CAMTA1: variants seen among roughly 807,000 people sequenced by gnomAD.
CAMTA1 encodes the protein calmodulin binding transcription activator 1, also known as calmodulin-binding transcription activator 1.
A neutral mutation model predicts 170.9 loss-of-function variants in CAMTA1; 27 were observed. The observed-to-expected ratio is 0.16, with a 90% CI of 0.12 to 0.22. The LOEUF (loss-of-function observed/expected upper bound fraction) is 0.22. CAMTA1 is among the 10% of genes least tolerant of loss of function. The probability of loss-of-function intolerance (pLI) is 1.00; values close to 1 mark genes in which losing one functional copy is unlikely to be tolerated. For missense variants in CAMTA1, 1,619 were observed against 2,217.2 expected (o/e 0.73, Z 5.42); for synonymous variants, 833 against 891.5 (o/e 0.93, Z 1.17).
intron 5 of CAMTA1, among the ~76,000 whole-genome samples, chr1:7,321,253 C>T (rs183048789): frequency 2.6e-3 from 398 of 152,264 alleles, no homozygotes; most frequent in African/African-American, 9.2e-3. Context: ...TCAACAAGGC[C>T]GTTGGCTGCC....
At chr1:7,002,425 G>A (rs1698356382) in intron 3 of CAMTA1, among the ~76,000 whole-genome samples, 1 of 152,202 alleles carries the variant, frequency 6.6e-6, no homozygotes, top group Admixed American at 6.5e-5. Context: ...TTATTGCTGT[G>A]TAGCTGGTTT....
chr1:7,567,206 TG>T (rs2095054098), intron 6 of CAMTA1, among the ~76,000 whole-genome samples: 1 of 152,124 alleles, frequency 6.6e-6, no homozygotes, highest in African/African-American at 2.4e-5. Context: ...AAGGGGCCCA[TG>T]GTGGCAGCGG....
At chr1:7,452,139 A>G (rs1033171736) in intron 5 of CAMTA1, among the ~76,000 whole-genome samples, 1 of 152,170 alleles carries the variant, frequency 6.6e-6, no homozygotes, top group Non-Finnish European at 1.5e-5. Context: ...AAATTTCAGC[A>G]CCTCGAATGG....
At chr1:7,086,975 G>C (rs1207463618) in intron 3 of CAMTA1, among the ~76,000 whole-genome samples, 6 of 152,198 alleles carry the variant, frequency 3.9e-5, no homozygotes, top group African/African-American at 1.4e-4. Flanking sequence ...GTGTTTGAGG[G>C]GCTGCAAGTG....
chr1:6,949,125 G>A (rs535065561), intron 3 of CAMTA1, among the ~76,000 whole-genome samples: 45 of 152,340 alleles, frequency 3.0e-4, no homozygotes, highest in African/African-American at 1.0e-3. Flanking sequence ...TCCACTCTGA[G>A]ACTTTATCTT....
intron 4 of CAMTA1, among the ~76,000 whole-genome samples, chr1:7,214,746 C>T (rs920439923): frequency 1.3e-5 from 2 of 152,088 alleles, no homozygotes; most frequent in African/African-American, 2.4e-5. Flanking sequence ...GTTTAAGAAC[C>T]CTTTGCCTAG....
chr1:7,558,132 G>A (rs934898793), intron 6 of CAMTA1, among the ~76,000 whole-genome samples: 12 of 152,206 alleles, frequency 7.9e-5, no homozygotes, highest in African/African-American at 2.2e-4. Flanking sequence ...CAGGCCCCTC[G>A]CTCCGGCAGC....
In CAMTA1 at chr1:6,934,510, G is replaced by A. The variant is rs1342192469; in HGVS notation, c.234+109300G>A. ...TTCCTTTCCAGAACATTCCTTTGAGGAGGAGAGAAAAGGAACTTGGCCACT... is the reference window on the plus strand; with the variant it reads ...TTCCTTTCCAGAACATTCCTTTGAGAAGGAGAGAAAAGGAACTTGGCCACT... On this transcript the variant is annotated intron_variant, in intron 3 of 22. Transcript: ENST00000303635. This position sits in a 1 kb window ranked among gnomAD's most constrained non-coding sequence, Gnocchi z 4.5. 6.6e-6 allele frequency among the ~76,000 whole-genome samples: 1 copy of A among 152,172 alleles called. No homozygotes were observed.
chr1:6,825,078 T>A lies in CAMTA1; in HGVS notation c.116-14T>A. On this transcript the variant is annotated splice_polypyrimidine_tract_variant and intron_variant, in intron 2 of 22. Transcript: ENST00000303635. ...CTATTATTTTCTCTAAATTTATTGT[T>A]TTCTTCTTTGTAGATGATCATGGGA... The A allele has an allele frequency of 7.0e-7, 1 of 1,418,702 alleles. No homozygotes were observed. Among genetic ancestry groups the A allele is most frequent in the Non-Finnish European group, 9.8e-7 (1 of 1,022,606 alleles). The allele number at this position is 1,418,702 out of a possible 1,614,324, so 87.9% of individuals were successfully genotyped here. A position where few individuals can be genotyped will look rare whatever the true frequency, so the allele number is the denominator to read the frequency against.
intron 4 of CAMTA1, among the ~76,000 whole-genome samples, chr1:7,194,960 T>C (rs1655237888): frequency 1.3e-5 from 2 of 152,244 alleles, no homozygotes; most frequent in South Asian, 4.1e-4. Flanking sequence ...GTTTTTGAGA[T>C]TGATTCCTAT....
intron 5 of CAMTA1, among the ~76,000 whole-genome samples, chr1:7,451,659 T>C (rs934117304): frequency 1.3e-5 from 2 of 152,076 alleles, no homozygotes; most frequent in Admixed American, 6.6e-5. Flanking sequence ...CCCTTCCTCC[T>C]GTCAATGAAC....
At chr1:7,168,559 C>T (rs12032028) in intron 4 of CAMTA1, among the ~76,000 whole-genome samples, 36,848 of 152,122 alleles carry the variant, frequency 0.24, 4,991 homozygotes, top group East Asian at 0.34. Context: ...TGCACCACCA[C>T]ACCCAGCTAA....
intron 3 of CAMTA1, among the ~76,000 whole-genome samples, chr1:7,059,765 G>A (rs1210675001): frequency 6.6e-6 from 1 of 152,220 alleles, no homozygotes; most frequent in Non-Finnish European, 1.5e-5. Flanking sequence ...AGGGAATCAG[G>A]TGTGTTGAAA....
In CAMTA1 at chr1:6,897,356, A is replaced by G. The variant is rs184002678; in HGVS notation, c.234+72146A>G. Among the ~76,000 whole-genome samples the G allele has an allele frequency of 1.6e-4, 24 of 152,340 alleles. No homozygotes were observed. In the East Asian group the frequency reaches 4.4e-3, roughly 28 times the overall value. On this transcript the variant is annotated intron_variant, in intron 3 of 22. Transcript: ENST00000303635. ...TCCCATGGTGACAAGCTGCTGAGCC[A>G]CTGTGTGTTTAGGGTCAGTGTGGGG...
intron 16 of CAMTA1, among the ~76,000 whole-genome samples, chr1:7,742,142 T>TAC (rs1396724149): frequency 1.3e-3 from 194 of 151,648 alleles, no homozygotes; most frequent in African/African-American, 4.5e-3. Flanking sequence ...CATATATATA[T>TAC]ACATACAGTT....
At chr1:7,763,483 TA>T in intron 22 of CAMTA1, among the ~76,000 whole-genome samples, 1 of 152,352 alleles carries the variant, frequency 6.6e-6, no homozygotes, top group East Asian at 1.9e-4. Flanking sequence ...CACCTCTCCT[TA>T]ACCTCGTGGT....
Position 7,570,563 on chromosome 1 carries a change from C to T in CAMTA1, c.511-69837C>T, listed in dbSNP as rs1340397110. Among the ~76,000 whole-genome samples, 4 of 152,220 alleles carry T rather than the reference C, an allele frequency of 2.6e-5. No homozygotes were observed. The highest frequency in any genetic ancestry group is 5.9e-5 in the Non-Finnish European group (4 of 68,046). ...CTATCAACTTTTAATTAAGGAAAGT[C>T]CTCTAGTGCCATTGAACTTTGTCCT... On this transcript the variant is annotated intron_variant, in intron 6 of 22. Coordinates refer to ENST00000303635, the MANE Select transcript of CAMTA1 (RefSeq NM_015215.4). The surrounding 1 kb of genome is among the most constrained non-coding windows in gnomAD (Gnocchi z 4.3).
intron 5 of CAMTA1, among the ~76,000 whole-genome samples, chr1:7,349,656 T>C (rs1485103931): frequency 6.6e-6 from 1 of 152,232 alleles, no homozygotes; most frequent in Non-Finnish European, 1.5e-5. Context: ...TGCCTGTGTC[T>C]GTGTCCTCAT....
At chr1:7,205,958 A>G (rs1657660300) in intron 4 of CAMTA1, among the ~76,000 whole-genome samples, 1 of 152,180 alleles carries the variant, frequency 6.6e-6, no homozygotes, top group Non-Finnish European at 1.5e-5. Flanking sequence ...GCATTTATTT[A>G]AAAACATCTG....
Sources: allele counts gnomAD v4.1 joint callset (sites outside exome capture counted in the v4.1 genomes callset), GRCh38; gene constraint gnomAD v4.1.1; non-coding constraint Gnocchi (gnomAD v3.1); transcripts MANE v1.5; gene names NCBI Gene and HGNC (gene_info 2026-07-23, HGNC 2026-07-21).